Variants in PIAS1 observed in about 807,000 individuals in gnomAD.
PIAS1 encodes E3 SUMO-protein ligase PIAS1.
PIAS1 carries 6 observed loss-of-function variants against 71.3 expected under a neutral mutation model. The observed-to-expected ratio is 0.08, with a 90% CI of 0.05 to 0.17. The LOEUF (loss-of-function observed/expected upper bound fraction) is 0.17. Ranked by LOEUF, PIAS1 falls within the 10% of genes least tolerant of loss-of-function variation. The pLI is 1.00. For missense variants in PIAS1, 555 were observed against 793.6 expected, an observed-to-expected ratio of 0.70 and a Z score of 3.61; for synonymous variants, 303 against 292.9, an observed-to-expected ratio of 1.03 and a Z score of -0.35.
chr15:68,111,892 C>G (rs988713301), intron 2 of PIAS1, among the ~76,000 whole-genome samples: 5 of 152,002 alleles, frequency 3.3e-5, no homozygotes, highest in Non-Finnish European at 7.4e-5. Context: ...TTAATCCTAC[C>G]TGGCCATCAT....
rs561859160 is a variant in PIAS1 at position 68,139,260 on chromosome 15, A to G, written c.470-2686A>G. On this transcript the variant is annotated intron_variant, in intron 2 of 13. Coordinates refer to ENST00000249636, the MANE Select transcript of PIAS1 (RefSeq NM_016166.3). ...ATTCTACTACTCTCTGTTGGGCTGCAAGCATTTTTACAATTAAACTGTTCA... is the reference window on the plus strand; with the variant it reads ...ATTCTACTACTCTCTGTTGGGCTGCGAGCATTTTTACAATTAAACTGTTCA... 1.6e-4 allele frequency among the ~76,000 whole-genome samples: 24 copies of G among 152,280 alleles called. No homozygotes were observed. In the South Asian group the frequency reaches 4.6e-3, roughly 29 times the overall value.
intron 1 of PIAS1, among the ~76,000 whole-genome samples, chr15:68,073,068 T>G (rs1455467777): frequency 2.0e-5 from 3 of 152,172 alleles, no homozygotes; most frequent in African/African-American, 4.8e-5. Flanking sequence ...CAGGCTGGAG[T>G]GCAGTGGCGC....
chr15:68,147,759 GCTTT>G (rs1425229161), intron 6 of PIAS1, among the ~76,000 whole-genome samples: 2 of 151,814 alleles, frequency 1.3e-5, no homozygotes, highest in Admixed American at 6.5e-5. Context: ...GGTAAAAATT[GCTTT>G]CTTTCACTTT....
At chr15:68,115,528 T>TG (rs2092558657) in intron 2 of PIAS1, among the ~76,000 whole-genome samples, 1 of 152,146 alleles carries the variant, frequency 6.6e-6, no homozygotes, top group African/African-American at 2.4e-5. Context: ...CCAGTCTTGA[T>TG]GCATTTTTCT....
intron 8 of PIAS1, among the ~76,000 whole-genome samples, chr15:68,172,755 T>G (rs1192829485): frequency 6.6e-6 from 1 of 152,238 alleles, no homozygotes; most frequent in Non-Finnish European, 1.5e-5. Context: ...CTGTGCAGGT[T>G]TCTGCGTGGC....
intron 2 of PIAS1, among the ~76,000 whole-genome samples, chr15:68,133,297 A>G (rs112677781): frequency 0.024 from 3,633 of 152,262 alleles, 57 homozygotes; most frequent in Middle Eastern, 0.092. Flanking sequence ...CACAGGTGCA[A>G]TAGTCCAAGA....
intron 8 of PIAS1, among the ~76,000 whole-genome samples, chr15:68,172,894 A>G (rs1193509837): frequency 6.6e-6 from 1 of 152,186 alleles, no homozygotes; most frequent in Non-Finnish European, 1.5e-5. Flanking sequence ...CATGCTGGAG[A>G]TGCTAGAGGT....
chr15:68,164,913 C>A, intron 8 of PIAS1, 109 bp downstream of exon 8: 2 of 621,538 alleles, frequency 3.2e-6, no homozygotes, highest in Admixed American at 2.7e-5. Context: ...AATATGTCCA[C>A]CATTGTTACA....
chr15:68,094,614 A>G (rs757274877), intron 2 of PIAS1, among the ~76,000 whole-genome samples: 6 of 152,010 alleles, frequency 3.9e-5, no homozygotes, highest in South Asian at 4.1e-4. Context: ...CTTTTTCCAC[A>G]TTCTTAATAT....
intron 1 of PIAS1, among the ~76,000 whole-genome samples, chr15:68,057,974 C>G (rs953668570): frequency 3.9e-5 from 6 of 152,188 alleles, no homozygotes; most frequent in Non-Finnish European, 8.8e-5. Flanking sequence ...TGCTTAGTGG[C>G]GAGTCCATAG....
intron 1 of PIAS1, among the ~76,000 whole-genome samples, chr15:68,069,233 G>A (rs186748665): frequency 3.9e-5 from 6 of 152,182 alleles, no homozygotes; most frequent in Non-Finnish European, 7.4e-5. Context: ...AAAACTCTTA[G>A]TAAAACATAA....
intron 4 of PIAS1, 92 bp from the exon 5 acceptor site, chr15:68,145,724 A>G: frequency 2.7e-6 from 2 of 754,564 alleles, no homozygotes; most frequent in Non-Finnish European, 4.5e-6. Flanking sequence ...GTTGTTTTTA[A>G]ATTTACCATC....
chr15:68,170,378 A>G (rs1173668115), intron 8 of PIAS1, among the ~76,000 whole-genome samples: 1 of 152,184 alleles, frequency 6.6e-6, no homozygotes, highest in Non-Finnish European at 1.5e-5. Flanking sequence ...GGCAGTTGTA[A>G]CACAATGCTA....
intron 2 of PIAS1, among the ~76,000 whole-genome samples, chr15:68,123,285 C>T: frequency 6.6e-6 from 1 of 152,082 alleles, no homozygotes; most frequent in African/African-American, 2.4e-5. Context: ...CTCCTGGCGT[C>T]AAGCAGTCCT....
chr15:68,081,459 C>T (rs1459528663), intron 1 of PIAS1, among the ~76,000 whole-genome samples: 1 of 151,958 alleles, frequency 6.6e-6, no homozygotes, highest in Non-Finnish European at 1.5e-5. Flanking sequence ...TATGCACAGC[C>T]CAGGATTGTC....
intron 2 of PIAS1, among the ~76,000 whole-genome samples, chr15:68,135,722 A>G (rs1595755997): frequency 2.1e-5 from 1 of 48,156 alleles, no homozygotes; most frequent in Non-Finnish European, 7.1e-5. Flanking sequence ...GACGCTCCTC[A>G]CTTCCCAGAC....
intron 10 of PIAS1, 44 bp downstream of exon 10, chr15:68,175,811 T>TGG: frequency 2.2e-6 from 3 of 1,391,942 alleles, no homozygotes; most frequent in Non-Finnish European, 2.9e-6. Flanking sequence ...CCTACTGCTC[T>TGG]AAGTCTGGTT....
chr15:68,109,859 T>C (rs1179221986), intron 2 of PIAS1, among the ~76,000 whole-genome samples: 1 of 152,226 alleles, frequency 6.6e-6, no homozygotes, highest in Non-Finnish European at 1.5e-5. Context: ...AAGAAATGTC[T>C]ACTCACTTTT....
chr15:68,147,833 T>A (rs1282867666), intron 6 of PIAS1, among the ~76,000 whole-genome samples: 1 of 152,334 alleles, frequency 6.6e-6, no homozygotes, highest in African/African-American at 2.4e-5. Flanking sequence ...GCCACCATTG[T>A]TATATATTTA....
Sources: allele counts gnomAD v4.1 joint callset (sites outside exome capture counted in the v4.1 genomes callset), GRCh38; gene constraint gnomAD v4.1.1; transcripts MANE v1.5; gene names NCBI Gene and HGNC (gene_info 2026-07-23, HGNC 2026-07-21).